Variants in DNM3 observed in about 807,000 individuals in gnomAD.
DNM3 encodes the protein dynamin 3.
DNM3 carries 47 observed loss-of-function variants against 101.6 expected under a neutral mutation model. The ratio of observed to expected loss-of-function variants is 0.46; its 90% CI spans 0.37 to 0.59. The LOEUF (loss-of-function observed/expected upper bound fraction) is 0.59, where lower values mean the gene tolerates loss of function less well. Among genes scored for constraint, DNM3 ranks in the 20% least tolerant of loss-of-function variants. The pLI is 0.00. For missense variants in DNM3, 849 were observed against 1,085.7 expected (o/e 0.78, Z 3.06); for synonymous variants, 385 against 387.9 (o/e 0.99, Z 0.09).
At chr1:172,079,233 T>C (rs1020687173) in intron 11 of DNM3, among the ~76,000 whole-genome samples, 4 of 152,204 alleles carry the variant, frequency 2.6e-5, no homozygotes, top group African/African-American at 9.6e-5. Context: ...CATTCCATTC[T>C]CCCCGTCACT....
chr1:172,151,648 C>A (rs1222111748), intron 14 of DNM3, among the ~76,000 whole-genome samples: 1 of 152,084 alleles, frequency 6.6e-6, no homozygotes, highest in East Asian at 1.9e-4. Context: ...ATTAAATAAT[C>A]ATTTTTTCTT....
chr1:172,294,096 A>T (rs772762280), intron 15 of DNM3, among the ~76,000 whole-genome samples: 3 of 152,222 alleles, frequency 2.0e-5, no homozygotes, highest in Non-Finnish European at 4.4e-5. Context: ...GTAGAAAGGT[A>T]ATTAGATAAT....
chr1:171,963,695 T>C (rs111866179), intron 2 of DNM3, among the ~76,000 whole-genome samples: 70 of 151,570 alleles, frequency 4.6e-4, no homozygotes, highest in African/African-American at 1.6e-3. Flanking sequence ...AATGGTCTTT[T>C]TTTTAAAAAG....
intron 14 of DNM3, among the ~76,000 whole-genome samples, chr1:172,163,381 G>A (rs1384398585): frequency 6.6e-6 from 1 of 151,698 alleles, no homozygotes; most frequent in African/African-American, 2.4e-5. Flanking sequence ...TGGGACTACA[G>A]GTGCATGCCA....
At chr1:172,282,470 A>G (rs2063527169) in intron 15 of DNM3, among the ~76,000 whole-genome samples, 1 of 152,184 alleles carries the variant, frequency 6.6e-6, no homozygotes, top group African/African-American at 2.4e-5. Context: ...CATAATTAAC[A>G]AGTATCAGGG....
At chr1:171,860,100 T>A (rs1446624413) in intron 1 of DNM3, among the ~76,000 whole-genome samples, 1 of 152,180 alleles carries the variant, frequency 6.6e-6, no homozygotes, top group East Asian at 1.9e-4. Context: ...AGTTATGTAA[T>A]CTGATTTACA....
At chr1:172,061,656 C>T (rs1362100287) in intron 10 of DNM3, among the ~76,000 whole-genome samples, 2 of 138,534 alleles carry the variant, frequency 1.4e-5, no homozygotes, top group Non-Finnish European at 3.0e-5. Context: ...AATGAGATCA[C>T]ATGGACACAG....
In DNM3 at chr1:172,216,004, T is replaced by TTA. The variant is rs1553420701; in HGVS notation, c.1660-37569_1660-37568insTA. ...ACTTAAAGTATAATAATAATAAAAT[T>TTA]AAAAAAAAAAAAAAGAAAAGTAAGG... is the stretch of plus-strand genomic sequence containing the variant. On this transcript the variant is annotated intron_variant, in intron 14 of 20. Transcript: ENST00000627582. 4.9e-4 allele frequency among the ~76,000 whole-genome samples: 63 copies of TTA among 127,772 alleles called. 1 individual carries two copies. Among genetic ancestry groups the TTA allele is most frequent in the East Asian group, 4.4e-3 (19 of 4,328 alleles). 83.8% of individuals were successfully genotyped at this position (127,772 alleles called of 152,430 possible).
chr1:172,230,276 A>C (rs1557850856), intron 14 of DNM3, among the ~76,000 whole-genome samples: 1 of 152,212 alleles, frequency 6.6e-6, no homozygotes, highest in Non-Finnish European at 1.5e-5. Flanking sequence ...TGTGGATGTG[A>C]TAACACACCC....
intron 4 of DNM3, among the ~76,000 whole-genome samples, chr1:171,998,067 T>C (rs1266780049): frequency 6.6e-6 from 1 of 152,110 alleles, no homozygotes; most frequent in Non-Finnish European, 1.5e-5. Context: ...TGGAAGTTGA[T>C]CACTGTCAAG....
chr1:172,379,190 A>T lies in DNM3; in HGVS notation c.2058+8A>T. The T allele has an allele frequency of 6.3e-7, 1 of 1,592,862 alleles. No homozygotes were observed. Among genetic ancestry groups the T allele is most frequent in the Non-Finnish European group, 8.6e-7 (1 of 1,167,682 alleles). On this transcript the variant is annotated splice_region_variant and intron_variant, in intron 18 of 20. Transcript: ENST00000627582. ...CACCTTATGATCAATAACGTAAGTGATTATAAACTACCTCCATTTAACTTC... is the reference window on the plus strand; with the variant it reads ...CACCTTATGATCAATAACGTAAGTGTTTATAAACTACCTCCATTTAACTTC...
At chr1:171,997,360 G>T (rs140196103) in intron 4 of DNM3, among the ~76,000 whole-genome samples, 120 of 152,232 alleles carry the variant, frequency 7.9e-4, no homozygotes, top group Middle Eastern at 3.4e-3. Flanking sequence ...GTGAAAGAAG[G>T]TCTTAGGTAG....
chr1:172,395,173 ATTTTT>A (rs151029098), intron 20 of DNM3, among the ~76,000 whole-genome samples: 2 of 133,110 alleles, frequency 1.5e-5, no homozygotes, highest in Non-Finnish European at 3.2e-5. Flanking sequence ...ATCAGAAGCA[ATTTTT>A]TTTTTTTTTT....
At chr1:172,162,313 A>G (rs1050673386) in intron 14 of DNM3, among the ~76,000 whole-genome samples, 6 of 152,030 alleles carry the variant, frequency 3.9e-5, no homozygotes, top group Non-Finnish European at 2.9e-5. Context: ...GATTTTCCTT[A>G]GAGAATGCAT....
chr1:172,037,263 C>T (rs1432265238), intron 6 of DNM3, among the ~76,000 whole-genome samples: 4 of 152,112 alleles, frequency 2.6e-5, no homozygotes, highest in Non-Finnish European at 4.4e-5. Flanking sequence ...CTAGAAATAC[C>T]ATTTGACCCA....
At chr1:172,296,476 A>G (rs1018334227) in intron 15 of DNM3, among the ~76,000 whole-genome samples, 2 of 152,170 alleles carry the variant, frequency 1.3e-5, no homozygotes, top group Non-Finnish European at 2.9e-5. Context: ...GATACTCTCA[A>G]AACAACCCTC....
At chr1:172,376,589 G>A (rs564977248) in intron 17 of DNM3, 2 of 151,934 alleles carry the variant, frequency 1.3e-5, no homozygotes, top group Non-Finnish European at 2.9e-5. Flanking sequence ...CATTTTTCCC[G>A]TTCATCTTAG....
chr1:172,304,731 A>C (rs755958169), intron 15 of DNM3, among the ~76,000 whole-genome samples: 3 of 152,168 alleles, frequency 2.0e-5, no homozygotes, highest in Non-Finnish European at 4.4e-5. Flanking sequence ...TAAGAAACTC[A>C]CTCAAAACCG....
intron 1 of DNM3, among the ~76,000 whole-genome samples, chr1:171,849,126 A>G (rs1449659697): frequency 6.6e-6 from 1 of 152,166 alleles, no homozygotes; most frequent in Non-Finnish European, 1.5e-5. Flanking sequence ...AATCTATTTG[A>G]TAAGTAATTT....
Sources: gnomAD v4.1 joint callset for allele counts (sites outside exome capture counted in the v4.1 genomes callset) on GRCh38, gnomAD v4.1.1 for gene constraint, MANE v1.5 for transcripts, NCBI Gene and HGNC (gene_info 2026-07-23, HGNC 2026-07-21) for gene names.